The following GNAL variants were observed in gnomAD, a reference collection of about 807,000 sequenced individuals.
GNAL encodes the protein G protein subunit alpha L.
GNAL carries 18 observed loss-of-function variants against 55.1 expected under a neutral mutation model. The observed-to-expected ratio is 0.33, with a 90% confidence interval of 0.23 to 0.48. GNAL has a LOEUF of 0.48. Ranked by LOEUF, GNAL falls within the 20% of genes least tolerant of loss-of-function variation. The probability of loss-of-function intolerance (pLI) is 0.99; values close to 1 mark genes in which losing one functional copy is unlikely to be tolerated. For synonymous variants in GNAL, 253 were observed against 237.0 expected (o/e 1.07, Z -0.62); for missense variants, 412 against 614.1 (o/e 0.67, Z 3.48).
chr18:11,813,811 G>A (rs2034885236), intron 4 of GNAL, among the ~76,000 whole-genome samples: 1 of 152,174 alleles, frequency 6.6e-6, no homozygotes, highest in South Asian at 2.1e-4. Flanking sequence ...CCAGGAGGTC[G>A]AGGCTGCAGT....
chr18:11,689,770 C>T lies in GNAL; in HGVS notation c.207C>T (p.Asp69=), dbSNP rs777817478. 6.6e-7 allele frequency: 1 copy of T among 1,522,436 alleles called. No homozygotes were observed. Among genetic ancestry groups the T allele is most frequent in the Non-Finnish European group, 8.8e-7 (1 of 1,138,480 alleles). 94.3% of individuals were successfully genotyped at this position (1,522,436 alleles called of 1,614,324 possible). A position where few individuals can be genotyped will look rare whatever the true frequency, so the allele number is the denominator to read the frequency against. ...CGGCATGCGCTCGGCCCAAAGCAGA[C>T]AAGCCGAAGGAGAAGCGGCAGCGCA... is the stretch of plus-strand genomic sequence containing the variant. ...GSPACARPKA[D]KPKEKRQRTE... is the part of the protein sequence containing the mutation. The change falls in exon 1 of 12, where the codon GAC becomes GAT. Residue 69 remains aspartate, a synonymous_variant. Transcript: ENST00000334049.
At chr18:11,824,694 A>AAT (rs2035194262) in intron 4 of GNAL, among the ~76,000 whole-genome samples, 32 of 151,284 alleles carry the variant, frequency 2.1e-4, no homozygotes, top group Non-Finnish European at 2.7e-4. Flanking sequence ...TCTCAAAAAA[A>AAT]AAACAAAAAA....
At chr18:11,797,710 G>C (rs1380981570) in intron 4 of GNAL, among the ~76,000 whole-genome samples, 1 of 151,784 alleles carries the variant, frequency 6.6e-6, no homozygotes, top group Admixed American at 6.6e-5. Context: ...AGTGAGCCAA[G>C]ATCATGCCAT....
At chr18:11,724,125 C>T (rs2032158825) in intron 1 of GNAL, among the ~76,000 whole-genome samples, 1 of 152,150 alleles carries the variant, frequency 6.6e-6, no homozygotes, top group African/African-American at 2.4e-5. Context: ...TCTGTTCTTG[C>T]ATTGCTGGAA....
At chr18:11,721,889 AAAATAAATAAATAAATAAAT>A (rs145268603) in intron 1 of GNAL, among the ~76,000 whole-genome samples, 3,739 of 145,924 alleles carry the variant, frequency 0.026, 179 homozygotes, top group African/African-American at 0.09. Context: ...TCTGTCTCAA[AAAATAAATAAATAAATAAAT>A]AAATAAATAA....
chr18:11,702,897 C>T (rs1164187009), intron 1 of GNAL, among the ~76,000 whole-genome samples: 1 of 151,666 alleles, frequency 6.6e-6, no homozygotes, highest in Non-Finnish European at 1.5e-5. Context: ...GCGGGTAGAT[C>T]ACATGAGGTC....
chr18:11,720,259 A>G (rs1435835545), intron 1 of GNAL, among the ~76,000 whole-genome samples: 1 of 152,216 alleles, frequency 6.6e-6, no homozygotes, highest in Non-Finnish European at 1.5e-5. Context: ...AAGAGGAGAG[A>G]AAACAAATTT....
intron 1 of GNAL, among the ~76,000 whole-genome samples, chr18:11,698,138 G>A (rs2031465261): frequency 1.3e-5 from 2 of 152,262 alleles, no homozygotes; most frequent in South Asian, 4.1e-4. Context: ...GAGCAGCCAA[G>A]AAAGGAAGAG....
chr18:11,772,368 T>A (rs951945739), intron 4 of GNAL, among the ~76,000 whole-genome samples: 1 of 152,238 alleles, frequency 6.6e-6, no homozygotes, highest in Non-Finnish European at 1.5e-5. Context: ...CTTGTGGTTC[T>A]CTTTACTGAG....
chr18:11,843,381 G>A (rs567592090), intron 5 of GNAL, among the ~76,000 whole-genome samples: 106 of 152,084 alleles, frequency 7.0e-4, no homozygotes, highest in East Asian at 1.6e-3. Flanking sequence ...AAAAATTAGC[G>A]GAGAGTGGTG....
chr18:11,828,393 A>G (rs530014964), intron 5 of GNAL, among the ~76,000 whole-genome samples: 2 of 152,260 alleles, frequency 1.3e-5, no homozygotes, highest in Non-Finnish European at 2.9e-5. Flanking sequence ...ACAGAGTGAG[A>G]CCCTGTCTCA....
intron 4 of GNAL, among the ~76,000 whole-genome samples, chr18:11,790,595 T>C (rs1393896208): frequency 6.6e-6 from 1 of 152,124 alleles, no homozygotes; most frequent in Non-Finnish European, 1.5e-5. Context: ...CTTTGACACT[T>C]ATGTAAAATT....
intron 4 of GNAL, among the ~76,000 whole-genome samples, chr18:11,787,958 G>A (rs769901970): frequency 1.3e-5 from 2 of 151,790 alleles, no homozygotes; most frequent in African/African-American, 2.4e-5. Context: ...AAGGAAAAAA[G>A]TGTGTCTTAG....
At chr18:11,706,955 A>T (rs374692589) in intron 1 of GNAL, among the ~76,000 whole-genome samples, 1 of 152,152 alleles carries the variant, frequency 6.6e-6, no homozygotes, top group Non-Finnish European at 1.5e-5. Context: ...ACCTCCTCCA[A>T]TGAATCATGG....
At chr18:11,856,413 C>G (rs1477706688) in intron 5 of GNAL, among the ~76,000 whole-genome samples, 3 of 151,196 alleles carry the variant, frequency 2.0e-5, no homozygotes, top group Non-Finnish European at 4.4e-5. Flanking sequence ...CCTGGGTGGT[C>G]ACTCCTGATA....
In GNAL at chr18:11,689,870, C is replaced by T. The variant is rs1199832383; in HGVS notation, c.307C>T (p.Arg103Trp). The change falls in exon 1 of 12, where the codon CGG becomes TGG. Residue 103 changes from arginine (R) to tryptophan (W), a missense_variant. By Grantham distance (101) the Arg-to-Trp change is moderately radical. Coordinates refer to ENST00000334049, the MANE Select transcript of GNAL (RefSeq NM_182978.4). ...GGTCAAGGAGGCGAGGAAAGTGAGC[C>T]GGGGCATCGACCGCATGCTGCGCGA... Reference protein sequence around the residue: ...EAVKEARKVSRGIDRMLRDQK... With the variant: ...EAVKEARKVSWGIDRMLRDQK... 2.0e-6 allele frequency: 3 copies of T among 1,512,996 alleles called. No individual in the cohort carries two copies. The highest frequency in any genetic ancestry group is 1.4e-5 in the African/African-American group (1 of 69,808). The allele number at this position is 1,512,996 out of a possible 1,614,324, so 93.7% of individuals were successfully genotyped here. A position where few individuals can be genotyped will look rare whatever the true frequency, so the allele number is the denominator to read the frequency against.
Position 11,752,317 on chromosome 18 carries a change from C to T in GNAL, c.377-536C>T. On this transcript the variant is annotated intron_variant, in intron 1 of 11. Coordinates refer to ENST00000334049, the MANE Select transcript of GNAL (RefSeq NM_182978.4). The surrounding 1 kb of genome is among the most constrained non-coding windows in gnomAD (Gnocchi z 4.5). ...TCGGAAAACACCGAAGAGACCAGAC[C>T]ATCTCTTTCAGCAGCAGGAAAGAGA... The T allele has an allele frequency of 2.0e-6, 3 of 1,472,650 alleles. No homozygotes were observed. Among genetic ancestry groups the T allele is most frequent in the South Asian group, 3.0e-5 (2 of 67,472 alleles). The allele number at this position is 1,472,650 out of a possible 1,614,324, so 91.2% of individuals were successfully genotyped here. A position where few individuals can be genotyped will look rare whatever the true frequency, so the allele number is the denominator to read the frequency against.
chr18:11,758,836 T>TA (rs1376973592), intron 4 of GNAL, among the ~76,000 whole-genome samples: 6 of 152,228 alleles, frequency 3.9e-5, no homozygotes, highest in African/African-American at 1.4e-4. Flanking sequence ...TAAATAGTCT[T>TA]AAGTGATTAT....
In GNAL at chr18:11,881,213, A is replaced by T; in HGVS notation, c.*78A>T. On this transcript the variant is annotated 3_prime_UTR_variant, in exon 12 of 12. Transcript: ENST00000334049. This position sits in a 1 kb window ranked among gnomAD's most constrained non-coding sequence, Gnocchi z 4.8. Reference sequence around the variant, plus strand: ...AGCCCCATGCCATGGTAGGAGGCAGAGTCTCTAGTTCCATCTCGCTGCCGT... The same window carrying T: ...AGCCCCATGCCATGGTAGGAGGCAGTGTCTCTAGTTCCATCTCGCTGCCGT... 7.2e-7 allele frequency: 1 copy of T among 1,387,816 alleles called. No individual in the cohort carries two copies. Among genetic ancestry groups the T allele is most frequent in the South Asian group, 1.3e-5 (1 of 75,384 alleles). The allele number at this position is 1,387,816 out of a possible 1,614,324, so 86.0% of individuals were successfully genotyped here.
Sources: gnomAD v4.1 joint callset for allele counts (sites outside exome capture counted in the v4.1 genomes callset) on GRCh38, gnomAD v4.1.1 for gene constraint, Gnocchi (gnomAD v3.1) non-coding constraint, MANE v1.5 for transcripts, NCBI Gene and HGNC (gene_info 2026-07-23, HGNC 2026-07-21) for gene names.